HEMK2: variants seen among roughly 807,000 people sequenced by gnomAD.
HEMK2 encodes methyltransferase HEMK2.
At chr21:28,759,822 T>C in the HEMK2 span, among the ~76,000 whole-genome samples, 7 of 152,150 alleles carry the variant, frequency 4.6e-5, no homozygotes, top group African/African-American at 1.7e-4. Flanking sequence ...TCCACCATGA[T>C]TGTGAGGCCT....
the HEMK2 span, among the ~76,000 whole-genome samples, chr21:28,582,803 T>C: frequency 1.3e-5 from 2 of 152,172 alleles, no homozygotes; most frequent in Non-Finnish European, 2.9e-5. Context: ...ATAAATAAAT[T>C]TGGTGTTTTT....
chr21:28,809,493 C>G, the HEMK2 span, among the ~76,000 whole-genome samples: 1 of 152,170 alleles, frequency 6.6e-6, no homozygotes, highest in Admixed American at 6.5e-5. Flanking sequence ...ACTTGTACAG[C>G]TAACAGTTCA....
chr21:28,644,632 A>G, the HEMK2 span, among the ~76,000 whole-genome samples: 2 of 152,340 alleles, frequency 1.3e-5, no homozygotes, highest in Admixed American at 1.3e-4. Context: ...ATAACAAAAC[A>G]AAGTATTAAA....
At chr21:28,782,396 G>C in the HEMK2 span, among the ~76,000 whole-genome samples, 2 of 152,250 alleles carry the variant, frequency 1.3e-5, no homozygotes, top group South Asian at 4.2e-4. Context: ...AACAATCAAG[G>C]CTTAGGTTCC....
the HEMK2 span, chr21:28,885,312 C>G: frequency 6.3e-7 from 1 of 1,587,256 alleles, no homozygotes; most frequent in Non-Finnish European, 8.6e-7. Context: ...CCCACGTGCC[C>G]GTGGAACGGC....
At chr21:28,642,298 C>G in the HEMK2 span, among the ~76,000 whole-genome samples, 1 of 152,322 alleles carries the variant, frequency 6.6e-6, no homozygotes, top group East Asian at 1.9e-4. Context: ...CCTTGACCCC[C>G]TTCATGGGCA....
the HEMK2 span, among the ~76,000 whole-genome samples, chr21:28,737,993 T>TTAA: frequency 6.6e-6 from 1 of 152,192 alleles, no homozygotes; most frequent in Non-Finnish European, 1.5e-5. Context: ...GTGTTTTCAT[T>TTAA]TGTTTGGAGA....
chr21:28,722,290 A>G, the HEMK2 span, among the ~76,000 whole-genome samples: 6 of 152,324 alleles, frequency 3.9e-5, no homozygotes, highest in East Asian at 1.2e-3. Context: ...GAACTTTTCA[A>G]ATGAGAAGAG....
At chr21:28,668,108 AT>A in the HEMK2 span, among the ~76,000 whole-genome samples, 1 of 152,234 alleles carries the variant, frequency 6.6e-6, no homozygotes, top group Admixed American at 6.5e-5. Context: ...CCTTTTCAGC[AT>A]TTTCAACCAG....
the HEMK2 span, among the ~76,000 whole-genome samples, chr21:28,617,079 A>T: frequency 6.6e-6 from 1 of 152,238 alleles, no homozygotes; most frequent in Non-Finnish European, 1.5e-5. Flanking sequence ...TTAGACATAG[A>T]AGCCAGACAG....
the HEMK2 span, among the ~76,000 whole-genome samples, chr21:28,819,544 C>CTTTTTTTTTTTT: frequency 8.9e-6 from 1 of 111,904 alleles, no homozygotes. Flanking sequence ...TTTTCTTTTC[C>CTTTTTTTTTTTT]TTTTTTTTTT....
the HEMK2 span, among the ~76,000 whole-genome samples, chr21:28,831,689 AGG>A: frequency 7.7e-3 from 576 of 74,390 alleles, 30 homozygotes; most frequent in Non-Finnish European, 7.8e-3. Context: ...GAAAGAAGGA[AGG>A]AAGGAAGGAA....
chr21:28,706,999 G>T, the HEMK2 span, among the ~76,000 whole-genome samples: 1 of 152,032 alleles, frequency 6.6e-6, no homozygotes, highest in African/African-American at 2.4e-5. Context: ...AATGACATTT[G>T]GATTCTCTAA....
At chr21:28,657,115 C>A in the HEMK2 span, among the ~76,000 whole-genome samples, 2 of 152,036 alleles carry the variant, frequency 1.3e-5, no homozygotes, top group African/African-American at 4.8e-5. Flanking sequence ...AAACGGTTTT[C>A]ATACACAACT....
the HEMK2 span, among the ~76,000 whole-genome samples, chr21:28,663,325 G>C: frequency 5.3e-5 from 8 of 152,200 alleles, no homozygotes; most frequent in Non-Finnish European, 1.2e-4. Flanking sequence ...GCGGTAATGT[G>C]AGCCCAGTGT....
At chr21:28,764,709 A>G in the HEMK2 span, among the ~76,000 whole-genome samples, 1 of 152,078 alleles carries the variant, frequency 6.6e-6, no homozygotes, top group Admixed American at 6.5e-5. Flanking sequence ...TTTATAACTT[A>G]AGGCTGCAGC....
At chr21:28,597,864 C>T in the HEMK2 span, among the ~76,000 whole-genome samples, 1 of 151,770 alleles carries the variant, frequency 6.6e-6, no homozygotes, top group African/African-American at 2.4e-5. Flanking sequence ...TTCCTAGAGA[C>T]AAGAAGGAAG....
the HEMK2 span, among the ~76,000 whole-genome samples, chr21:28,763,968 G>T: frequency 0.33 from 49,768 of 151,962 alleles, 8,270 homozygotes; most frequent in Middle Eastern, 0.44. Flanking sequence ...CCTGGGATAG[G>T]AGCAGGCACA....
At chr21:28,871,281 G>C in the HEMK2 span, among the ~76,000 whole-genome samples, 45 of 152,292 alleles carry the variant, frequency 3.0e-4, no homozygotes, top group East Asian at 6.6e-3. Context: ...AGCATGGCTG[G>C]GGAGGCCTCA....
Sources: gnomAD v4.1 joint callset for allele counts (sites outside exome capture counted in the v4.1 genomes callset) on GRCh38, gnomAD v4.1.1 for gene constraint, MANE v1.5 for transcripts, NCBI Gene and HGNC (gene_info 2026-07-23, HGNC 2026-07-21) for gene names.